Variants in TCF12 observed in about 807,000 individuals in gnomAD.
TCF12 encodes transcription factor 12.
In TCF12, 45 loss-of-function variants were observed where a neutral mutation model predicts 86.0. That is an observed-to-expected ratio of 0.52 (90% confidence interval 0.41 to 0.67). The LOEUF (loss-of-function observed/expected upper bound fraction) is 0.67. TCF12 is among the 30% of genes least tolerant of loss of function. TCF12 has a pLI of 0.00. For missense variants in TCF12, 881 were observed against 859.9 expected, an observed-to-expected ratio of 1.02 and a Z score of -0.31; for synonymous variants, 330 against 299.6, an observed-to-expected ratio of 1.10 and a Z score of -1.05.
chr15:57,075,812 C>CTT (rs2069904241), intron 4 of TCF12, among the ~76,000 whole-genome samples: 3 of 43,636 alleles, frequency 6.9e-5, no homozygotes, highest in Non-Finnish European at 4.5e-5. Context: ...CTTTCTCTCT[C>CTT]TCTCTCTCTC....
chr15:57,179,386 G>T (rs577878980), intron 6 of TCF12, among the ~76,000 whole-genome samples: 5 of 152,286 alleles, frequency 3.3e-5, no homozygotes, highest in South Asian at 4.1e-4. Flanking sequence ...TACTCGGGAG[G>T]CTGAGACAGG....
chr15:57,202,684 C>T (rs2057608592), intron 8 of TCF12, among the ~76,000 whole-genome samples: 1 of 151,418 alleles, frequency 6.6e-6, no homozygotes, highest in Non-Finnish European at 1.5e-5. Context: ...ATCCACCTAC[C>T]TCAGCCTCCC....
At chr15:57,234,557 C>CT (rs1334363864) in intron 12 of TCF12, among the ~76,000 whole-genome samples, 1 of 151,988 alleles carries the variant, frequency 6.6e-6, no homozygotes, top group Non-Finnish European at 1.5e-5. Flanking sequence ...AGAGCCTTCT[C>CT]CCCAAAAAAG....
At chr15:57,030,328 T>A (rs2066087508) in intron 3 of TCF12, among the ~76,000 whole-genome samples, 1 of 152,152 alleles carries the variant, frequency 6.6e-6, no homozygotes, top group Non-Finnish European at 1.5e-5. Flanking sequence ...AGCCTGAAAC[T>A]CCTGAGCTCA....
chr15:57,007,631 T>C (rs932751707), intron 3 of TCF12, among the ~76,000 whole-genome samples: 12 of 76,480 alleles, frequency 1.6e-4, no homozygotes, highest in Non-Finnish European at 3.1e-4. Context: ...CCCTAAGGTC[T>C]TTTCCAGCTT....
intron 8 of TCF12, among the ~76,000 whole-genome samples, chr15:57,225,459 A>G (rs1295338400): frequency 6.6e-6 from 1 of 151,762 alleles, no homozygotes; most frequent in African/African-American, 2.4e-5. Flanking sequence ...GTTATCCAGG[A>G]TGGTCTCGAC....
intron 12 of TCF12, among the ~76,000 whole-genome samples, chr15:57,237,776 T>C (rs1215134275): frequency 6.6e-6 from 1 of 152,196 alleles, no homozygotes. Context: ...ATAAAGCCTG[T>C]GTTTAGAAGT....
chr15:57,203,008 G>A (rs1235393173), intron 8 of TCF12, among the ~76,000 whole-genome samples: 1 of 152,130 alleles, frequency 6.6e-6, no homozygotes, highest in Non-Finnish European at 1.5e-5. Context: ...AAAGTTTGAA[G>A]ATATATAAAA....
At chr15:56,997,163 C>G (rs1463931814) in intron 3 of TCF12, among the ~76,000 whole-genome samples, 2 of 152,150 alleles carry the variant, frequency 1.3e-5, no homozygotes, top group Non-Finnish European at 2.9e-5. Context: ...GCCAAAAAGA[C>G]ACATATACCC....
chr15:57,258,625 T>C (rs558969867), intron 16 of TCF12, among the ~76,000 whole-genome samples: 59 of 152,334 alleles, frequency 3.9e-4, no homozygotes, highest in African/African-American at 1.4e-3. Context: ...TTAATACAGG[T>C]ATTTCTCTTA....
chr15:57,177,608 C>CAGAGGGAGAGAGAGAG (rs2056023157), intron 6 of TCF12, among the ~76,000 whole-genome samples: 2 of 123,004 alleles, frequency 1.6e-5, no homozygotes, highest in South Asian at 6.5e-4. Context: ...GTTAAAAGGC[C>CAGAGGGAGAGAGAGAG]AGAGAGAGAG....
chr15:57,241,641 A>C (rs1180256073), intron 12 of TCF12, among the ~76,000 whole-genome samples: 1 of 152,316 alleles, frequency 6.6e-6, no homozygotes, highest in East Asian at 1.9e-4. Flanking sequence ...ATCCATTTGT[A>C]GTCAAAGGAA....
chr15:57,213,293 A>G (rs1566925339), intron 8 of TCF12, among the ~76,000 whole-genome samples: 1 of 152,254 alleles, frequency 6.6e-6, no homozygotes, highest in Non-Finnish European at 1.5e-5. Flanking sequence ...TTCTTAAAAG[A>G]TACGTCTTTT....
chr15:56,944,578 C>G (rs1180225239), intron 3 of TCF12, among the ~76,000 whole-genome samples: 1 of 152,080 alleles, frequency 6.6e-6, no homozygotes, highest in East Asian at 1.9e-4. Context: ...ACTTTCCCTT[C>G]TTTAAGAGTT....
chr15:57,077,391 T>TTTTTTGGCAAGGC (rs1334752410), intron 4 of TCF12, among the ~76,000 whole-genome samples: 1 of 143,808 alleles, frequency 7.0e-6, no homozygotes, highest in Non-Finnish European at 1.5e-5. Context: ...ATTTTTTTTT[T>TTTTTTGGCAAGGC]TTTGGCAAGG....
At chr15:57,218,196 T>G (rs1275540891) in intron 8 of TCF12, among the ~76,000 whole-genome samples, 1 of 152,174 alleles carries the variant, frequency 6.6e-6, no homozygotes, top group Non-Finnish European at 1.5e-5. Context: ...TCATGAAAGG[T>G]ACCTTTAAAA....
At chr15:56,946,244 C>A (rs2060991157) in intron 3 of TCF12, among the ~76,000 whole-genome samples, 1 of 152,290 alleles carries the variant, frequency 6.6e-6, no homozygotes, top group South Asian at 2.1e-4. Flanking sequence ...TATATTAGCA[C>A]TCTTGATACT....
intron 5 of TCF12, among the ~76,000 whole-genome samples, chr15:57,138,727 C>A (rs2052740495): frequency 6.6e-6 from 1 of 152,132 alleles, no homozygotes; most frequent in South Asian, 2.1e-4. Context: ...CTAGAAGAGG[C>A]CTAACTATGT....
chr15:57,082,228 A>G (rs1268987429), intron 4 of TCF12, among the ~76,000 whole-genome samples: 2 of 152,218 alleles, frequency 1.3e-5, no homozygotes, highest in African/African-American at 4.8e-5. Context: ...TATTTTAATC[A>G]TGAACTGTGT....
Sources: allele counts gnomAD v4.1 joint callset (sites outside exome capture counted in the v4.1 genomes callset), GRCh38; gene constraint gnomAD v4.1.1; transcripts MANE v1.5; gene names NCBI Gene and HGNC (gene_info 2026-07-23, HGNC 2026-07-21).